FNDC3B: variants seen among roughly 807,000 people sequenced by gnomAD.
The protein encoded by FNDC3B is fibronectin type III domain containing 3B, also known as fibronectin type III domain-containing protein 3B.
Under a neutral mutation model 151.5 loss-of-function variants are expected in FNDC3B, and 12 were observed. The ratio of observed to expected loss-of-function variants is 0.08; its 90% CI spans 0.05 to 0.13. The LOEUF is 0.13. Ranked by LOEUF, FNDC3B falls within the 10% of genes least tolerant of loss-of-function variation. FNDC3B has a pLI of 1.00. For synonymous variants in FNDC3B, 528 were observed against 549.0 expected (o/e 0.96, Z 0.54); for missense variants, 1,214 against 1,505.3 (o/e 0.81, Z 3.20).
intron 3 of FNDC3B, among the ~76,000 whole-genome samples, chr3:172,216,273 T>A (rs917520785): frequency 6.6e-6 from 1 of 152,220 alleles, no homozygotes; most frequent in African/African-American, 2.4e-5. Context: ...TACGGGGTCC[T>A]GGTTTAAGTA....
At chr3:172,166,249 G>T in intron 3 of FNDC3B, among the ~76,000 whole-genome samples, 1 of 152,134 alleles carries the variant, frequency 6.6e-6, no homozygotes, top group Non-Finnish European at 1.5e-5. Flanking sequence ...GTATATATTG[G>T]ACTATTTTGA....
At chr3:172,227,286 A>C in intron 4 of FNDC3B, 1 of 193,422 alleles carries the variant, frequency 5.2e-6, no homozygotes, top group Non-Finnish European at 1.1e-5. Context: ...TCATAGATGT[A>C]GTTAGTTAAC....
chr3:172,351,059 A>G (rs749689457), intron 21 of FNDC3B, among the ~76,000 whole-genome samples: 1 of 152,258 alleles, frequency 6.6e-6, no homozygotes, highest in African/African-American at 2.4e-5. Context: ...CAGAAATACA[A>G]CAGTGAGCCA....
chr3:172,334,852 G>A (rs1473915871), intron 14 of FNDC3B, 92 bp from the exon 15 acceptor site: 3 of 1,144,854 alleles, frequency 2.6e-6, no homozygotes, highest in Non-Finnish European at 2.5e-6. Context: ...TGAGTTTATG[G>A]GTGCCTTAAT....
chr3:172,267,293 C>G (rs781496206), intron 6 of FNDC3B, among the ~76,000 whole-genome samples: 4 of 152,012 alleles, frequency 2.6e-5, no homozygotes, highest in Non-Finnish European at 5.9e-5. Context: ...GTAGCTGGGA[C>G]TGTGGGCATG....
At chr3:172,190,066 C>T (rs545020486) in intron 3 of FNDC3B, among the ~76,000 whole-genome samples, 64 of 152,234 alleles carry the variant, frequency 4.2e-4, no homozygotes, top group African/African-American at 1.2e-3. Context: ...CTAACCCAGG[C>T]GGCCTGCTTT....
At chr3:172,297,754 G>T (rs975650628) in intron 8 of FNDC3B, among the ~76,000 whole-genome samples, 9 of 141,806 alleles carry the variant, frequency 6.3e-5, no homozygotes, top group African/African-American at 2.2e-4. Flanking sequence ...GATAACAGGC[G>T]TGAGCCACCG....
intron 1 of FNDC3B, among the ~76,000 whole-genome samples, chr3:172,080,222 GT>G (rs1718209152): frequency 6.6e-6 from 1 of 152,030 alleles, no homozygotes; most frequent in African/African-American, 2.4e-5. Context: ...TATTAACCAT[GT>G]CTTGGGAGTT....
intron 1 of FNDC3B, among the ~76,000 whole-genome samples, chr3:172,075,193 C>T (rs920096663): frequency 2.0e-5 from 3 of 152,008 alleles, no homozygotes; most frequent in East Asian, 1.9e-4. Flanking sequence ...AAGATATGTA[C>T]GATACTTGTA....
rs1310045636 is a variant in FNDC3B at position 172,362,818 on chromosome 3, C to T, written c.2981C>T (p.Thr994Ile). ...KTHAAEDIVY[T>I]LQLEDRNKRF... is the part of the protein sequence containing the mutation. Reference sequence around the variant, plus strand: ...CATGCTGCTGAGGACATTGTGTACACACTACAGCTGGAGGACAGAAACAAG... The same window carrying T: ...CATGCTGCTGAGGACATTGTGTACATACTACAGCTGGAGGACAGAAACAAG... Residue 994 changes from threonine to isoleucine, a missense_variant, in exon 23 of 26, where the codon ACA becomes ATA. Transcript: ENST00000415807. 5 of 1,613,852 alleles carry T rather than the reference C, an allele frequency of 3.1e-6. No individual in the cohort carries two copies. The highest frequency in any genetic ancestry group is 4.2e-6 in the Non-Finnish European group (5 of 1,179,890).
rs1195281476 is a variant in FNDC3B, at chr3:172,239,853, G to GTT, written c.265-7679_265-7678dup. ...AAATGTTTTTAGGAGATCCATTTTA[G>GTT]TTCTTTTTTTTTTTTTTTTTTTTTT... On this transcript the variant is annotated intron_variant, in intron 4 of 25. Transcript: ENST00000415807. Among the ~76,000 whole-genome samples the GTT allele has an allele frequency of 3.4e-3, 225 of 65,834 alleles. 8 individuals are homozygous for GTT. Among genetic ancestry groups the GTT allele is most frequent in the African/African-American group, 0.011 (201 of 17,672 alleles). The allele number at this position is 65,834 out of a possible 152,430, so 43.2% of individuals were successfully genotyped here. A position where few individuals can be genotyped will look rare whatever the true frequency, so the allele number is the denominator to read the frequency against.
intron 2 of FNDC3B, among the ~76,000 whole-genome samples, chr3:172,131,326 G>A (rs1721087770): frequency 6.6e-6 from 1 of 151,766 alleles, no homozygotes; most frequent in African/African-American, 2.4e-5. Flanking sequence ...CTGGGAGGCG[G>A]AGGTTGCAGT....
intron 9 of FNDC3B, among the ~76,000 whole-genome samples, chr3:172,299,870 C>T (rs2108228883): frequency 6.6e-6 from 1 of 152,228 alleles, no homozygotes; most frequent in East Asian, 1.9e-4. Context: ...ATAGAACGCT[C>T]TGCCATGATT....
At chr3:172,076,173 A>G (rs1460811882) in intron 1 of FNDC3B, among the ~76,000 whole-genome samples, 1 of 152,222 alleles carries the variant, frequency 6.6e-6, no homozygotes, top group Non-Finnish European at 1.5e-5. Flanking sequence ...TCAAAATAAA[A>G]TTTAACTAGG....
chr3:172,270,937 C>G (rs1187816641), intron 6 of FNDC3B, among the ~76,000 whole-genome samples: 1 of 152,222 alleles, frequency 6.6e-6, no homozygotes, highest in African/African-American at 2.4e-5. Context: ...GTAGCACAGT[C>G]AGTATGAAAC....
At chr3:172,362,563 G>A in intron 22 of FNDC3B, 70 bp from the exon 23 acceptor site, 1 of 1,147,226 alleles carries the variant, frequency 8.7e-7, no homozygotes, top group Non-Finnish European at 1.3e-6. Flanking sequence ...TATGCTCAAT[G>A]TTTATTTCGA....
rs1297231606 is a variant in FNDC3B, at chr3:172,399,494, T to C, written c.*2019T>C. 1 of 152,688 alleles carries C rather than the reference T, an allele frequency of 6.5e-6. No individual in the cohort carries two copies. Among genetic ancestry groups the C allele is most frequent in the African/African-American group, 2.4e-5 (1 of 41,468 alleles). 9.5% of individuals were successfully genotyped at this position (152,688 alleles called of 1,614,324 possible). A position where few individuals can be genotyped will look rare whatever the true frequency, so the allele number is the denominator to read the frequency against. On this transcript the variant is annotated 3_prime_UTR_variant, in exon 26 of 26. Coordinates refer to ENST00000415807, the MANE Select transcript of FNDC3B (RefSeq NM_022763.4). ...GCTGAGATCAATGAATTATTCTGTG[T>C]GCCTATATTGACGTAGTGAGTACTA...
In FNDC3B at chr3:172,374,376, C is replaced by G. The variant is rs181126430; in HGVS notation, c.3009-3894C>G. Among the ~76,000 whole-genome samples, 391 of 152,262 alleles carry G rather than the reference C, an allele frequency of 2.6e-3. 1 individual carries two copies. The highest frequency in any genetic ancestry group is 0.017 in the Middle Eastern group (5 of 294). On this transcript the variant is annotated intron_variant, in intron 23 of 25. Coordinates refer to ENST00000415807, the MANE Select transcript of FNDC3B (RefSeq NM_022763.4). ...TATTATATATCAGGATTAGCCTAAG[C>G]ACTTTGATTTTATTTATTTACTTAT...
intron 16 of FNDC3B, among the ~76,000 whole-genome samples, chr3:172,340,197 G>T (rs571032419): frequency 1.1e-3 from 171 of 152,096 alleles, no homozygotes; most frequent in Non-Finnish European, 2.1e-3. Flanking sequence ...CCTGGTGACC[G>T]TTTCTCTCTT....
Sources: allele counts gnomAD v4.1 joint callset (sites outside exome capture counted in the v4.1 genomes callset), GRCh38; gene constraint gnomAD v4.1.1; transcripts MANE v1.5; gene names NCBI Gene and HGNC (gene_info 2026-07-23, HGNC 2026-07-21).